Variants in LOXL2 observed in about 807,000 individuals in gnomAD.
LOXL2 encodes the protein lysyl oxidase homolog 2.
Under a neutral mutation model 93.0 loss-of-function variants are expected in LOXL2, and 70 were observed. That is an observed-to-expected ratio of 0.75 (90% CI 0.62 to 0.92). The LOEUF (loss-of-function observed/expected upper bound fraction) is 0.92. Among genes scored for constraint, LOXL2 ranks in the 40% least tolerant of loss-of-function variants. The pLI is 0.00. For missense variants in LOXL2, 973 were observed against 1,054.9 expected (o/e 0.92, Z 1.08); for synonymous variants, 438 against 413.2 (o/e 1.06, Z -0.73).
At chr8:23,378,720 G>C (rs1428924075) in intron 1 of LOXL2, among the ~76,000 whole-genome samples, 1 of 152,058 alleles carries the variant, frequency 6.6e-6, no homozygotes, top group East Asian at 1.9e-4. Flanking sequence ...CCTTTCTTCT[G>C]GTTGATCGAA....
chr8:23,371,370 G>A (rs533836968), intron 1 of LOXL2, among the ~76,000 whole-genome samples: 12 of 152,256 alleles, frequency 7.9e-5, no homozygotes, highest in Non-Finnish European at 1.3e-4. Flanking sequence ...GTATGAAGTA[G>A]GAAATGATGT....
chr8:23,358,387 G>A (rs1184291514), intron 3 of LOXL2, among the ~76,000 whole-genome samples: 2 of 152,244 alleles, frequency 1.3e-5, no homozygotes, highest in African/African-American at 4.8e-5. Flanking sequence ...GACTGTGTGA[G>A]CCATGACAGT....
intron 1 of LOXL2, among the ~76,000 whole-genome samples, chr8:23,385,252 T>G (rs1289386455): frequency 6.6e-6 from 1 of 150,740 alleles, no homozygotes; most frequent in Admixed American, 6.6e-5. Context: ...TTCTTTTTTT[T>G]TTTTTTTTTG....
chr8:23,331,130 T>C (rs897816284), intron 5 of LOXL2, among the ~76,000 whole-genome samples: 13 of 152,162 alleles, frequency 8.5e-5, no homozygotes, highest in Non-Finnish European at 1.8e-4. Context: ...CCCTTTTATA[T>C]TGGAGGAGTG....
rs201593990 is a variant in LOXL2 at position 23,303,405 on chromosome 8, G to C, written c.1881-8C>G. 2.0e-6 allele frequency: 3 copies of C among 1,516,310 alleles called. No individual in the cohort carries two copies. In the South Asian group the frequency reaches 3.4e-5, roughly 17 times the overall value. 93.9% of individuals were successfully genotyped at this position (1,516,310 alleles called of 1,614,324 possible). ...TCCATGCTGTGGTAGTGCCTGGAGC[G>C]AGAGAGAGATGGCCTGGAGGTCAGT... On this transcript the variant is annotated splice_region_variant and splice_polypyrimidine_tract_variant and intron_variant, in intron 10 of 13. Transcript: ENST00000389131.
chr8:23,380,406 A>AAAAAAAAAAAAAG (rs57485192), intron 1 of LOXL2, among the ~76,000 whole-genome samples: 80 of 128,478 alleles, frequency 6.2e-4, no homozygotes, highest in African/African-American at 1.2e-3. Flanking sequence ...AAAAAAAAAA[A>AAAAAAAAAAAAAG]AAAAAGACAT....
rs766756099 is a variant in LOXL2, at chr8:23,298,821, G to A, written c.2245+15C>T. On this transcript the variant is annotated intron_variant, in intron 13 of 13. Coordinates refer to ENST00000389131, the MANE Select transcript of LOXL2 (RefSeq NM_002318.3). ...CTCCCGCCTGCTTCCTGGAGTGGGGGCGGCCTGGCCTTACCTATGTGGCAG... is the reference window on the plus strand; with the variant it reads ...CTCCCGCCTGCTTCCTGGAGTGGGGACGGCCTGGCCTTACCTATGTGGCAG... 6.4e-7 allele frequency: 1 copy of A among 1,553,322 alleles called. No individual in the cohort carries two copies. Among genetic ancestry groups the A allele is most frequent in the South Asian group, 1.1e-5 (1 of 89,884 alleles).
At chr8:23,399,149 G>A (rs148688458) in intron 1 of LOXL2, among the ~76,000 whole-genome samples, 1 of 152,208 alleles carries the variant, frequency 6.6e-6, no homozygotes, top group Non-Finnish European at 1.5e-5. Context: ...TGTGGGCCTA[G>A]AGCAGAGTGG....
intron 3 of LOXL2, among the ~76,000 whole-genome samples, chr8:23,349,472 C>A (rs118086277): frequency 6.6e-6 from 1 of 152,248 alleles, no homozygotes; most frequent in East Asian, 1.9e-4. Context: ...CCTAAAAGGA[C>A]AGATAGGCAT....
chr8:23,311,963 G>A lies in LOXL2; in HGVS notation c.1637-2052C>T, dbSNP rs565718345. ...GGAAGTAACACTAAGGATGAGGCTA[G>A]GGCAAAACAAATAGCCTGTGCCGAA... On this transcript the variant is annotated intron_variant, in intron 9 of 13. Coordinates refer to ENST00000389131, the MANE Select transcript of LOXL2 (RefSeq NM_002318.3). Among the ~76,000 whole-genome samples the A allele has an allele frequency of 3.3e-5, 5 of 152,206 alleles. No homozygotes were observed. In the South Asian group the frequency reaches 1.0e-3, roughly 32 times the overall value.
rs115213980 is a variant in LOXL2, at chr8:23,317,602, T to C, written c.1471-488A>G. Among the ~76,000 whole-genome samples, 431 of 152,314 alleles carry C rather than the reference T, an allele frequency of 2.8e-3. 4 individuals carry two copies. The highest frequency in any genetic ancestry group is 9.7e-3 in the African/African-American group (402 of 41,572). On this transcript the variant is annotated intron_variant, in intron 8 of 13. Coordinates refer to ENST00000389131, the MANE Select transcript of LOXL2 (RefSeq NM_002318.3). ...TTGCATAGGTCAATCATTAGACATGTTATAAAGACGAACTTCTGAATTTAG... is the reference window on the plus strand; with the variant it reads ...TTGCATAGGTCAATCATTAGACATGCTATAAAGACGAACTTCTGAATTTAG...
intron 1 of LOXL2, among the ~76,000 whole-genome samples, chr8:23,400,851 A>G (rs927448308): frequency 2.0e-5 from 3 of 152,220 alleles, no homozygotes; most frequent in African/African-American, 7.2e-5. Flanking sequence ...GGCAGCTCTG[A>G]GCCCTTACAG....
rs527240553 is a variant in LOXL2 at position 23,330,227 on chromosome 8, G to A, written c.967-1662C>T. ...CGGGTGCCTGTAGTCCCAGCTACTC[G>A]GGAGGCTGAGGCAGGAGAATGGCGT... is the stretch of plus-strand genomic sequence containing the variant. On this transcript the variant is annotated intron_variant, in intron 5 of 13. Transcript: ENST00000389131. Among the ~76,000 whole-genome samples the A allele has an allele frequency of 2.6e-5, 4 of 152,264 alleles. No homozygotes were observed. The South Asian group carries it at 6.2e-4, about 24-fold the overall frequency.
chr8:23,299,075 G>C (rs954202097), intron 12 of LOXL2, 128 bp from the exon 13 acceptor site: 18 of 622,444 alleles, frequency 2.9e-5, no homozygotes, highest in African/African-American at 2.4e-4. Flanking sequence ...CAAGACGGGG[G>C]TCTGTGGGTC....
intron 3 of LOXL2, among the ~76,000 whole-genome samples, chr8:23,354,613 C>T (rs907838743): frequency 6.9e-6 from 1 of 143,988 alleles, no homozygotes; most frequent in Non-Finnish European, 1.5e-5. Flanking sequence ...TGTGTTCTCA[C>T]ACACATGTGA....
At chr8:23,347,352 A>G (rs986844354) in intron 3 of LOXL2, among the ~76,000 whole-genome samples, 13 of 151,654 alleles carry the variant, frequency 8.6e-5, no homozygotes, top group Admixed American at 3.3e-4. Context: ...GCAAGACTCT[A>G]TCTCAAAAAT....
chr8:23,396,593 T>C (rs1322735550), intron 1 of LOXL2, among the ~76,000 whole-genome samples: 1 of 152,236 alleles, frequency 6.6e-6, no homozygotes, highest in African/African-American at 2.4e-5. Context: ...CTCCCATCCC[T>C]AGACGTTTTA....
intron 1 of LOXL2, among the ~76,000 whole-genome samples, chr8:23,379,223 T>C (rs1048694543): frequency 1.3e-5 from 2 of 151,536 alleles, no homozygotes. Context: ...TTTGCCTGGG[T>C]ATCAGCAGCA....
intron 1 of LOXL2, among the ~76,000 whole-genome samples, chr8:23,400,220 T>C (rs1266793038): frequency 3.3e-5 from 5 of 152,216 alleles, no homozygotes; most frequent in African/African-American, 1.2e-4. Flanking sequence ...GTTCTCATGC[T>C]GCTAATAAAG....
Sources: gnomAD v4.1 joint callset for allele counts (sites outside exome capture counted in the v4.1 genomes callset) on GRCh38, gnomAD v4.1.1 for gene constraint, MANE v1.5 for transcripts, NCBI Gene and HGNC (gene_info 2026-07-23, HGNC 2026-07-21) for gene names.